ITSN2: variants seen among roughly 807,000 people sequenced by gnomAD.
The protein encoded by ITSN2 is intersectin-2.
A neutral mutation model predicts 243.7 loss-of-function variants in ITSN2; 156 were observed. The observed-to-expected ratio is 0.64, with a 90% confidence interval of 0.56 to 0.73. The LOEUF (loss-of-function observed/expected upper bound fraction) is 0.73. Among genes scored for constraint, ITSN2 ranks in the 30% least tolerant of loss-of-function variants. ITSN2 has a pLI of 0.00. For missense variants in ITSN2, 1,801 were observed against 1,996.1 expected, an observed-to-expected ratio of 0.90 and a Z score of 1.86; for synonymous variants, 703 against 699.9, an observed-to-expected ratio of 1.00 and a Z score of -0.07.
intron 20 of ITSN2, among the ~76,000 whole-genome samples, chr2:24,264,462 G>A (rs1463920596): frequency 6.6e-6 from 1 of 151,102 alleles, no homozygotes; most frequent in African/African-American, 2.4e-5. Context: ...AAAACTTTGA[G>A]TAACCCGAAG....
At chr2:24,212,570 C>T (rs1669595807) in intron 33 of ITSN2, 80 bp downstream of exon 33, 2 of 1,080,880 alleles carry the variant, frequency 1.9e-6, no homozygotes, top group Non-Finnish European at 1.4e-6. Flanking sequence ...ATGCTCAGGG[C>T]TCCCTGAGGA....
chr2:24,338,978 C>G (rs1394910310), intron 1 of ITSN2, among the ~76,000 whole-genome samples: 1 of 152,088 alleles, frequency 6.6e-6, no homozygotes, highest in Admixed American at 6.5e-5. Context: ...AGGTCGGTGG[C>G]AAACTGAGTG....
intron 29 of ITSN2, among the ~76,000 whole-genome samples, chr2:24,236,856 CTTTTATT>C (rs1385639926): frequency 2.0e-5 from 3 of 150,300 alleles, no homozygotes; most frequent in South Asian, 2.1e-4. Flanking sequence ...ATCTATCTAT[CTTTTATT>C]TTTTATTTTT....
At chr2:24,222,668 CTTTTTTT>C (rs56149622) in intron 29 of ITSN2, among the ~76,000 whole-genome samples, 19 of 77,240 alleles carry the variant, frequency 2.5e-4, no homozygotes, top group Admixed American at 5.9e-4. Context: ...TTTTTCTTTT[CTTTTTTT>C]TTTTTTTTTT....
chr2:24,233,346 G>A (rs558252528), intron 29 of ITSN2, among the ~76,000 whole-genome samples: 18 of 152,230 alleles, frequency 1.2e-4, no homozygotes, highest in Admixed American at 5.9e-4. Flanking sequence ...GACTTCAGGT[G>A]GCTAATGGAT....
Position 24,219,289 on chromosome 2 carries a change from G to A in ITSN2, c.3700-1276C>T, listed in dbSNP as rs189545430. Among the ~76,000 whole-genome samples the A allele has an allele frequency of 7.2e-5, 11 of 152,300 alleles. No homozygotes were observed. The East Asian group carries it at 9.6e-4, about 13-fold the overall frequency. ...TCTCTGGCATAGCCCTTTGCACATC[G>A]TGGTTTGTAATTCATGTTTACAGAG... On this transcript the variant is annotated intron_variant, in intron 30 of 39. Coordinates refer to ENST00000355123, the MANE Select transcript of ITSN2 (RefSeq NM_006277.3).
In ITSN2 at chr2:24,216,045, T is replaced by A. The variant is rs1209360236; in HGVS notation, c.3990+4A>T. On this transcript the variant is annotated splice_donor_region_variant and intron_variant, in intron 32 of 39. Coordinates refer to ENST00000355123, the MANE Select transcript of ITSN2 (RefSeq NM_006277.3). ...CTGACCCGCAAGGCCCAGAATGGAATTACCTTTAAAAATTCTTTGAAATCT... is the reference window on the plus strand; with the variant it reads ...CTGACCCGCAAGGCCCAGAATGGAAATACCTTTAAAAATTCTTTGAAATCT... 6 of 1,588,320 alleles carry A rather than the reference T, an allele frequency of 3.8e-6. No homozygotes were observed. The highest frequency in any genetic ancestry group is 5.1e-6 in the Non-Finnish European group (6 of 1,165,178).
chr2:24,248,124 C>T (rs577691728), intron 27 of ITSN2, among the ~76,000 whole-genome samples: 2 of 151,562 alleles, frequency 1.3e-5, no homozygotes, highest in South Asian at 4.2e-4. Context: ...TTTCCTGTAT[C>T]AAAACATATG....
chr2:24,345,767 A>G (rs556264811), intron 1 of ITSN2, among the ~76,000 whole-genome samples: 3 of 152,322 alleles, frequency 2.0e-5, no homozygotes, highest in Non-Finnish European at 4.4e-5. Flanking sequence ...AACATATGCT[A>G]TAAATGCTTT....
At chr2:24,352,928 T>C (rs544278087) in intron 1 of ITSN2, among the ~76,000 whole-genome samples, 1 of 152,312 alleles carries the variant, frequency 6.6e-6, no homozygotes, top group Admixed American at 6.5e-5. Flanking sequence ...AACTAAATAT[T>C]ACAGCAAAAC....
rs1219304177 is a variant in ITSN2 at position 24,209,110 on chromosome 2, T to C, written c.4585A>G (p.Ile1529Val). Residue 1529 changes from isoleucine (I) to valine (V), a missense_variant, in exon 36 of 40, where the codon ATT (isoleucine) becomes GTT (valine). By Grantham distance (29) the Ile-to-Val change is conservative. Around this residue, in one of 5 missense-constraint regions of ITSN2, gnomAD observed 928 missense variants for 1,065.4 expected, o/e 0.87. Coordinates refer to ENST00000355123, the MANE Select transcript of ITSN2 (RefSeq NM_006277.3). ...ATGGTCAGGACTGACCTCTCATTAA[T>C]GTTGTCTGTTCGGAGGGTGTAGACC... is the stretch of plus-strand genomic sequence containing the variant. The part of the protein sequence containing the change: ...DRVYTLRTDN[I>V]NERTAWVQKI... 2 of 1,614,042 alleles carry C rather than the reference T, an allele frequency of 1.2e-6. No individual in the cohort carries two copies. The highest frequency in any genetic ancestry group is 1.7e-5 in the Admixed American group (1 of 60,008).
chr2:24,272,057 C>G (rs1677426421), intron 18 of ITSN2, 116 bp from the exon 19 acceptor site: 2 of 801,944 alleles, frequency 2.5e-6, no homozygotes, highest in African/African-American at 3.5e-5. Context: ...AGTATTAGTA[C>G]AGGGGTGGGG....
At chr2:24,212,319 C>A (rs143471972) in intron 33 of ITSN2, among the ~76,000 whole-genome samples, 1 of 152,246 alleles carries the variant, frequency 6.6e-6, no homozygotes, top group East Asian at 1.9e-4. Flanking sequence ...TCAAGATGGG[C>A]TCCACAACTG....
At chr2:24,203,882 G>C in intron 39 of ITSN2, 99 bp from the exon 40 acceptor site, 1 of 1,296,200 alleles carries the variant, frequency 7.7e-7, no homozygotes, top group Admixed American at 2.2e-5. Flanking sequence ...CTTCAAATCT[G>C]AAACAAGGAA....
intron 17 of ITSN2, among the ~76,000 whole-genome samples, chr2:24,282,832 C>G (rs1678963938): frequency 6.6e-6 from 1 of 152,196 alleles, no homozygotes; most frequent in Non-Finnish European, 1.5e-5. Context: ...TAACCATCTT[C>G]TCCCCGTATG....
At chr2:24,303,622 C>A (rs1419133762) in intron 9 of ITSN2, among the ~76,000 whole-genome samples, 177 bp downstream of exon 9, 1 of 152,194 alleles carries the variant, frequency 6.6e-6, no homozygotes, top group East Asian at 1.9e-4. Context: ...CAACAACATT[C>A]TGCACAATTA....
intron 29 of ITSN2, among the ~76,000 whole-genome samples, chr2:24,226,985 G>A (rs925521251): frequency 6.6e-6 from 1 of 152,026 alleles, no homozygotes; most frequent in East Asian, 1.9e-4. Flanking sequence ...GGGTGGTGGC[G>A]TCTGCCTGTA....
chr2:24,333,448 G>A (rs977269153), intron 1 of ITSN2, among the ~76,000 whole-genome samples: 7 of 152,230 alleles, frequency 4.6e-5, no homozygotes, highest in Non-Finnish European at 1.0e-4. Context: ...TGCAACTGAA[G>A]TCAGCATCCA....
upstream of ITSN2, among the ~76,000 whole-genome samples, chr2:24,361,241 C>T (rs965223054): frequency 6.6e-6 from 1 of 152,154 alleles, no homozygotes; most frequent in African/African-American, 2.4e-5. Context: ...CCACCCCTCG[C>T]CAAGGGACAG....
Sources: allele counts gnomAD v4.1 joint callset (sites outside exome capture counted in the v4.1 genomes callset), GRCh38; gene constraint gnomAD v4.1.1; regional missense constraint gnomAD v4.1.1; transcripts MANE v1.5; gene names NCBI Gene and HGNC (gene_info 2026-07-23, HGNC 2026-07-21).